CA10: variants seen among roughly 807,000 people sequenced by gnomAD.
CA10 encodes the protein carbonic anhydrase 10 (inactive).
A neutral mutation model predicts 44.2 loss-of-function variants in CA10; 14 were observed. The ratio of observed to expected loss-of-function variants is 0.32; its 90% confidence interval spans 0.21 to 0.50. The LOEUF (loss-of-function observed/expected upper bound fraction) is 0.50, where lower values mean the gene tolerates loss of function less well. CA10 is among the 20% of genes least tolerant of loss of function. The pLI is 0.99. For missense variants in CA10, 350 were observed against 409.7 expected, an observed-to-expected ratio of 0.85 and a Z score of 1.26; for synonymous variants, 159 against 141.6, an observed-to-expected ratio of 1.12 and a Z score of -0.87.
intron 4 of CA10, among the ~76,000 whole-genome samples, chr17:51,667,418 T>C (rs144120918): frequency 2.6e-5 from 4 of 152,216 alleles, no homozygotes; most frequent in African/African-American, 9.6e-5. Context: ...CAATCCCAAA[T>C]ACCTCCTACC....
chr17:52,109,969 T>A (rs527770908), intron 1 of CA10, among the ~76,000 whole-genome samples: 47 of 152,346 alleles, frequency 3.1e-4, no homozygotes, highest in African/African-American at 1.1e-3. Flanking sequence ...AAGTTTTATC[T>A]GCAACAGGTG....
intron 3 of CA10, among the ~76,000 whole-genome samples, chr17:51,856,686 A>G (rs1979060760): frequency 6.6e-6 from 1 of 152,208 alleles, no homozygotes; most frequent in Admixed American, 6.5e-5. Context: ...CATGGGGCAG[A>G]AAGACAGCTT....
chr17:52,149,915 T>G (rs1244983485), intron 1 of CA10, among the ~76,000 whole-genome samples: 1 of 152,172 alleles, frequency 6.6e-6, no homozygotes, highest in African/African-American at 2.4e-5. Context: ...CATACTTCCT[T>G]GGGCCTTTAA....
chr17:51,771,512 C>G (rs1207229679), intron 3 of CA10, among the ~76,000 whole-genome samples: 1 of 152,168 alleles, frequency 6.6e-6, no homozygotes, highest in Non-Finnish European at 1.5e-5. Context: ...CCAGCATTGC[C>G]TACTCTCTGT....
chr17:52,148,200 C>T (rs1989629414), intron 1 of CA10, among the ~76,000 whole-genome samples: 1 of 152,162 alleles, frequency 6.6e-6, no homozygotes, highest in South Asian at 2.1e-4. Flanking sequence ...CCCTAAAGCA[C>T]TCTAGTTCAA....
upstream of CA10, chr17:52,159,668 G>A (rs979191404): frequency 2.0e-5 from 3 of 152,284 alleles, no homozygotes; most frequent in African/African-American, 7.2e-5. Context: ...AAGTAGGGGC[G>A]GCGCGAGCAC....
intron 3 of CA10, among the ~76,000 whole-genome samples, chr17:51,776,357 G>A (rs1005796199): frequency 6.6e-6 from 1 of 151,996 alleles, no homozygotes. Context: ...CCTCAGCAAC[G>A]AGGTGAGACT....
chr17:51,962,348 G>A (rs1983923188), intron 2 of CA10, among the ~76,000 whole-genome samples: 1 of 152,186 alleles, frequency 6.6e-6, no homozygotes, highest in Non-Finnish European at 1.5e-5. Flanking sequence ...TTTCTTCCTT[G>A]GTGCTGATGC....
At chr17:51,775,925 T>C (rs990911584) in intron 3 of CA10, among the ~76,000 whole-genome samples, 4 of 152,098 alleles carry the variant, frequency 2.6e-5, no homozygotes, top group Non-Finnish European at 4.4e-5. Context: ...ATGGGACATA[T>C]GGCAAGATGC....
intron 2 of CA10, among the ~76,000 whole-genome samples, chr17:51,973,655 G>A (rs894928772): frequency 6.6e-6 from 1 of 152,104 alleles, no homozygotes; most frequent in African/African-American, 2.4e-5. Context: ...AGGGATACAC[G>A]AGCCTTAAAG....
intron 3 of CA10, among the ~76,000 whole-genome samples, chr17:51,764,105 T>C (rs1313523757): frequency 6.6e-6 from 1 of 152,022 alleles, no homozygotes; most frequent in Non-Finnish European, 1.5e-5. Context: ...TAAAGAGATG[T>C]TGAAACATGA....
At chr17:51,868,595 A>C (rs1472062461) in intron 3 of CA10, among the ~76,000 whole-genome samples, 1 of 152,152 alleles carries the variant, frequency 6.6e-6, no homozygotes, top group Non-Finnish European at 1.5e-5. Context: ...AACTCCACAG[A>C]GTTGTGGCTT....
intron 1 of CA10, among the ~76,000 whole-genome samples, chr17:52,108,756 C>T (rs377610383): frequency 2.7e-5 from 4 of 146,198 alleles, no homozygotes; most frequent in African/African-American, 5.0e-5. Context: ...TTGAGGACTT[C>T]GGGGGAAGAG....
chr17:52,110,880 C>T (rs1988775732), intron 1 of CA10, among the ~76,000 whole-genome samples: 1 of 152,144 alleles, frequency 6.6e-6, no homozygotes, highest in Non-Finnish European at 1.5e-5. Context: ...CAGTTGTGAG[C>T]TGACAGTAAC....
chr17:52,042,265 T>A (rs1330966166), intron 2 of CA10, among the ~76,000 whole-genome samples: 5 of 151,994 alleles, frequency 3.3e-5, no homozygotes, highest in Admixed American at 2.6e-4. Context: ...TTGTTATCTC[T>A]TGTCTTTTTC....
chr17:51,784,223 GC>G (rs1241369509), intron 3 of CA10, among the ~76,000 whole-genome samples: 1 of 152,152 alleles, frequency 6.6e-6, no homozygotes, highest in East Asian at 1.9e-4. Context: ...CATGGAGCTG[GC>G]AAACCCATGT....
At chr17:51,867,269 G>A (rs182311714) in intron 3 of CA10, among the ~76,000 whole-genome samples, 1 of 152,178 alleles carries the variant, frequency 6.6e-6, no homozygotes, top group East Asian at 1.9e-4. Flanking sequence ...CATATTGAAA[G>A]GAAAAAGCAT....
intron 4 of CA10, among the ~76,000 whole-genome samples, chr17:51,744,627 T>C (rs1904604441): frequency 6.6e-6 from 1 of 152,036 alleles, no homozygotes; most frequent in South Asian, 2.1e-4. Flanking sequence ...AATAAATAAA[T>C]AAATAAATAA....
chr17:52,127,448 G>C (rs765776341), intron 1 of CA10, among the ~76,000 whole-genome samples: 1 of 152,152 alleles, frequency 6.6e-6, no homozygotes, highest in African/African-American at 2.4e-5. Context: ...ACACTGAGAG[G>C]TATAATTGTG....
Sources: allele counts gnomAD v4.1 joint callset (sites outside exome capture counted in the v4.1 genomes callset), GRCh38; gene constraint gnomAD v4.1.1; transcripts MANE v1.5; gene names NCBI Gene and HGNC (gene_info 2026-07-23, HGNC 2026-07-21).